The following AFG2A variants were observed in gnomAD, a reference collection of about 807,000 sequenced individuals.
AFG2A encodes the protein AAA ATPase AFG2A, also known as ATPase family gene 2 protein homolog A.
At chr4:123,232,681 T>A in the AFG2A span, among the ~76,000 whole-genome samples, 2 of 151,924 alleles carry the variant, frequency 1.3e-5, no homozygotes, top group Admixed American at 6.6e-5. Context: ...AACGAGGGTT[T>A]TTAGTAGGCA....
the AFG2A span, among the ~76,000 whole-genome samples, chr4:123,101,993 G>A: frequency 1.3e-5 from 2 of 151,694 alleles, no homozygotes; most frequent in African/African-American, 4.8e-5. Flanking sequence ...TCCTCACTGA[G>A]CATCTGTTTC....
the AFG2A span, among the ~76,000 whole-genome samples, chr4:123,284,052 G>A: frequency 6.6e-6 from 1 of 152,106 alleles, no homozygotes; most frequent in Non-Finnish European, 1.5e-5. Context: ...TTACAGTAAA[G>A]GTAAGCGGAA....
At chr4:123,097,644 GT>G in the AFG2A span, among the ~76,000 whole-genome samples, 1 of 152,100 alleles carries the variant, frequency 6.6e-6, no homozygotes, top group Non-Finnish European at 1.5e-5. Context: ...AACTCCAGGT[GT>G]TTTAACTTCT....
At chr4:123,075,134 C>A in the AFG2A span, among the ~76,000 whole-genome samples, 2 of 151,200 alleles carry the variant, frequency 1.3e-5, no homozygotes, top group Non-Finnish European at 2.9e-5. Flanking sequence ...TCAGTAGAGA[C>A]GGGGTTTCAC....
the AFG2A span, among the ~76,000 whole-genome samples, chr4:123,296,664 G>C: frequency 6.6e-6 from 1 of 151,764 alleles, no homozygotes. Context: ...AATTGGTCAT[G>C]AGTTGGTCAT....
chr4:123,134,595 ATTT>A, the AFG2A span, among the ~76,000 whole-genome samples: 5 of 132,690 alleles, frequency 3.8e-5, no homozygotes, highest in Non-Finnish European at 7.8e-5. Context: ...GAATTTTAGG[ATTT>A]TTTTTTTTTT....
At chr4:123,056,823 A>C in the AFG2A span, among the ~76,000 whole-genome samples, 23,117 of 152,206 alleles carry the variant, frequency 0.15, 2,331 homozygotes, top group East Asian at 0.45. Flanking sequence ...TATTAAAATA[A>C]CTTTCTGAGG....
At chr4:123,270,918 G>A in the AFG2A span, among the ~76,000 whole-genome samples, 11 of 152,160 alleles carry the variant, frequency 7.2e-5, no homozygotes, top group African/African-American at 2.4e-4. Flanking sequence ...ACGATGAAAG[G>A]CCAGCTACGT....
chr4:123,255,862 C>G, the AFG2A span, among the ~76,000 whole-genome samples: 15 of 151,868 alleles, frequency 9.9e-5, no homozygotes, highest in Non-Finnish European at 2.1e-4. Flanking sequence ...GTATCGGTGA[C>G]ATAGATTATG....
the AFG2A span, among the ~76,000 whole-genome samples, chr4:122,977,790 G>A: frequency 1.3e-5 from 2 of 152,242 alleles, no homozygotes; most frequent in Non-Finnish European, 2.9e-5. Context: ...CAAGAGAACA[G>A]CTCTCAGGAG....
chr4:123,214,516 TAAATATATTGGAA>T, the AFG2A span, among the ~76,000 whole-genome samples: 1 of 151,966 alleles, frequency 6.6e-6, no homozygotes, highest in African/African-American at 2.4e-5. Flanking sequence ...TTTTTTTCAA[TAAATATATTGGAA>T]AAATTTTTGG....
At chr4:122,981,228 T>C in the AFG2A span, among the ~76,000 whole-genome samples, 1 of 152,228 alleles carries the variant, frequency 6.6e-6, no homozygotes, top group Non-Finnish European at 1.5e-5. Flanking sequence ...GTTTATCATA[T>C]GGATATCATG....
chr4:122,989,288 C>G, the AFG2A span, among the ~76,000 whole-genome samples: 1,435 of 151,456 alleles, frequency 9.5e-3, 32 homozygotes, highest in African/African-American at 0.032. Context: ...TCTAGTAGTT[C>G]TTGGTAGGCT....
chr4:123,092,727 CAT>C, the AFG2A span, among the ~76,000 whole-genome samples: 2 of 152,192 alleles, frequency 1.3e-5, no homozygotes, highest in Non-Finnish European at 2.9e-5. Flanking sequence ...TCTAAACTCA[CAT>C]GATTGTGGCA....
chr4:122,936,164 T>C, the AFG2A span: 1 of 1,593,106 alleles, frequency 6.3e-7, no homozygotes, highest in Non-Finnish European at 8.5e-7. Flanking sequence ...ACGGTACTCT[T>C]TATTTTTAAA....
the AFG2A span, among the ~76,000 whole-genome samples, chr4:123,221,935 A>T: frequency 6.6e-6 from 1 of 152,156 alleles, no homozygotes; most frequent in Non-Finnish European, 1.5e-5. Flanking sequence ...TCTCAAAAAA[A>T]AAAAGTAAAA....
chr4:123,019,782 C>T, the AFG2A span, among the ~76,000 whole-genome samples: 1 of 152,150 alleles, frequency 6.6e-6, no homozygotes, highest in Admixed American at 6.5e-5. Context: ...CATTATTGCA[C>T]TCATCTTTGT....
the AFG2A span, among the ~76,000 whole-genome samples, chr4:123,047,389 T>C: frequency 2.7e-5 from 1 of 37,596 alleles, no homozygotes; most frequent in African/African-American, 5.7e-5. Context: ...GCCATCTTTC[T>C]TTTGCGCATT....
chr4:123,239,118 G>A, the AFG2A span, among the ~76,000 whole-genome samples: 5 of 152,232 alleles, frequency 3.3e-5, no homozygotes, highest in South Asian at 2.1e-4. Context: ...GAAATGAAGC[G>A]AGAAGAGAAG....
Sources: gnomAD v4.1 joint callset for allele counts (sites outside exome capture counted in the v4.1 genomes callset) on GRCh38, gnomAD v4.1.1 for gene constraint, MANE v1.5 for transcripts, NCBI Gene and HGNC (gene_info 2026-07-23, HGNC 2026-07-21) for gene names.